RUNX1T1: variants seen among roughly 807,000 people sequenced by gnomAD.
RUNX1T1 encodes the protein protein CBFA2T1.
RUNX1T1 carries 4 observed loss-of-function variants against 62.8 expected under a neutral mutation model. The observed-to-expected ratio is 0.06, with a 90% CI of 0.03 to 0.15. RUNX1T1 has a LOEUF of 0.15. RUNX1T1 is among the 10% of genes least tolerant of loss of function. The pLI is 1.00. For missense variants in RUNX1T1, 508 were observed against 754.3 expected (o/e 0.67, Z 3.82); for synonymous variants, 291 against 286.0 (o/e 1.02, Z -0.18).
At chr8:92,091,232 G>T (rs1836954599) in intron 1 of RUNX1T1, among the ~76,000 whole-genome samples, 1 of 152,136 alleles carries the variant, frequency 6.6e-6, no homozygotes, top group African/African-American at 2.4e-5. Context: ...TAGAGGCCTT[G>T]ATCGATATGA....
rs147351066 is a variant in RUNX1T1 at position 91,985,642 on chromosome 8, A to AAT, written c.1198+480_1198+481dup. Among the ~76,000 whole-genome samples, 52 of 151,336 alleles carry AAT rather than the reference A, an allele frequency of 3.4e-4. 1 individual carries two copies. Among genetic ancestry groups the AAT allele is most frequent in the South Asian group, 2.5e-3 (12 of 4,788 alleles). Reference sequence around the variant, plus strand: ...GGTTGAGAAAAAAGTTTAAAATATAAATATATATATATATGATTCAACTAA... The same window carrying AAT: ...GGTTGAGAAAAAAGTTTAAAATATAAATATATATATATATATGATTCAACTAA... On this transcript the variant is annotated intron_variant, in intron 8 of 10. Transcript: ENST00000396218.
intron 7 of RUNX1T1, among the ~76,000 whole-genome samples, 199 bp downstream of exon 8, chr8:91,986,688 A>G (rs960097751): frequency 3.3e-5 from 5 of 152,054 alleles, no homozygotes; most frequent in Non-Finnish European, 7.4e-5. Flanking sequence ...AGATCTAAAC[A>G]TTTCTCTCAA....
chr8:91,965,455 A>G (rs560806691), intron 10 of RUNX1T1, among the ~76,000 whole-genome samples: 315 of 152,268 alleles, frequency 2.1e-3, no homozygotes, highest in Admixed American at 4.1e-3. Flanking sequence ...AAGAAAAGGA[A>G]TATCTTTTCC....
At chr8:92,101,368 G>C (rs1199002286), upstream of RUNX1T1, among the ~76,000 whole-genome samples, 1 of 152,138 alleles carries the variant, frequency 6.6e-6, no homozygotes, top group Non-Finnish European at 1.5e-5. Flanking sequence ...AGCACATGAA[G>C]TTTGTCTGGA....
chr8:92,080,317 T>C (rs1835049697), intron 1 of RUNX1T1, among the ~76,000 whole-genome samples: 1 of 152,254 alleles, frequency 6.6e-6, no homozygotes, highest in African/African-American at 2.4e-5. Context: ...TTCTTTATAC[T>C]ATAGTACTTT....
intron 7 of RUNX1T1, 77 bp from the exon 9 acceptor site, chr8:91,986,402 C>G: frequency 8.7e-7 from 1 of 1,153,978 alleles, no homozygotes; most frequent in Non-Finnish European, 1.3e-6. Flanking sequence ...GTGAAACAAA[C>G]CATTTCAGGA....
upstream of RUNX1T1, among the ~76,000 whole-genome samples, chr8:92,065,421 G>A (rs1287784926): frequency 6.6e-6 from 1 of 152,142 alleles, no homozygotes; most frequent in African/African-American, 2.4e-5. Flanking sequence ...ACTTCCTCAG[G>A]AGAACCTCAT....
chr8:91,974,335 T>C (rs1813466296), intron 9 of RUNX1T1, among the ~76,000 whole-genome samples: 1 of 152,146 alleles, frequency 6.6e-6, no homozygotes, highest in African/African-American at 2.4e-5. Flanking sequence ...GAAAAATCTA[T>C]TCTCACTTAA....
chr8:92,041,042 A>C (rs1469970528), intron 1 of RUNX1T1, among the ~76,000 whole-genome samples: 1 of 152,170 alleles, frequency 6.6e-6, no homozygotes, highest in Non-Finnish European at 1.5e-5. Context: ...GTTAATACTC[A>C]CCGAGCATTT....
chr8:92,034,105 T>C (rs948952160), intron 1 of RUNX1T1, among the ~76,000 whole-genome samples: 29 of 152,176 alleles, frequency 1.9e-4, no homozygotes, highest in African/African-American at 5.8e-4. Flanking sequence ...TCTATAGCGG[T>C]TGGAGCACAA....
intron 1 of RUNX1T1, among the ~76,000 whole-genome samples, chr8:92,047,129 C>T (rs543201842): frequency 3.3e-5 from 5 of 152,222 alleles, no homozygotes; most frequent in Admixed American, 2.6e-4. Flanking sequence ...CTGCCCCTCA[C>T]GCTCCCTGCT....
At chr8:92,029,667 G>A (rs956781019) in intron 1 of RUNX1T1, among the ~76,000 whole-genome samples, 1 of 152,062 alleles carries the variant, frequency 6.6e-6, no homozygotes, top group African/African-American at 2.4e-5. Context: ...TCCTCCATGT[G>A]CCTCTCCATT....
At chr8:92,008,851 A>G (rs1821388648) in intron 4 of RUNX1T1, among the ~76,000 whole-genome samples, 1 of 152,232 alleles carries the variant, frequency 6.6e-6, no homozygotes, top group African/African-American at 2.4e-5. Flanking sequence ...AAAAGAGACT[A>G]TAGAAATTGG....
In RUNX1T1 at chr8:92,003,589, C is replaced by T. The variant is rs2920473; in HGVS notation, c.659+1527G>A. 9.9e-3 allele frequency among the ~76,000 whole-genome samples: 1,514 copies of T among 152,298 alleles called. 12 individuals are homozygous for T. The highest frequency in any genetic ancestry group is 0.017 in the Non-Finnish European group (1,161 of 68,020). Reference sequence around the variant, plus strand: ...AAATTTCCTTCTTCCAATTTTCCATCGAGTCTCTCCTTCATTCTTTTACCA... The same window carrying T: ...AAATTTCCTTCTTCCAATTTTCCATTGAGTCTCTCCTTCATTCTTTTACCA... On this transcript the variant is annotated intron_variant, in intron 5 of 10. Transcript: ENST00000396218.
intron 5 of RUNX1T1, among the ~76,000 whole-genome samples, chr8:91,996,730 T>C (rs1452669197): frequency 6.6e-6 from 1 of 151,986 alleles, no homozygotes; most frequent in African/African-American, 2.4e-5. Context: ...AGAGACAACC[T>C]AATTTATACT....
At chr8:92,000,792 C>A (rs556239967) in intron 5 of RUNX1T1, among the ~76,000 whole-genome samples, 17 of 152,170 alleles carry the variant, frequency 1.1e-4, no homozygotes, top group Middle Eastern at 3.4e-3. Context: ...ATATATAAAA[C>A]CTCAGAATGT....
At chr8:91,985,797 C>T (rs1343537914) in intron 8 of RUNX1T1, among the ~76,000 whole-genome samples, 1 of 152,144 alleles carries the variant, frequency 6.6e-6, no homozygotes, top group Non-Finnish European at 1.5e-5. Flanking sequence ...GCCCCAGGCC[C>T]ACTCCCTGAG....
intron 1 of RUNX1T1, 182 bp from the exon 3 acceptor site, chr8:92,017,545 T>TAG: frequency 6.7e-7 from 1 of 1,483,752 alleles, no homozygotes; most frequent in Non-Finnish European, 8.9e-7. Context: ...TAAGAAGGTA[T>TAG]AGCACAGATG....
At position 91,991,612 on chromosome 8, in the gene RUNX1T1, A is replaced by G. The variant is rs199552412; in HGVS notation, c.910+27T>C. The G allele has an allele frequency of 1.1e-3, 1,768 of 1,597,730 alleles. 8 individuals are homozygous for G. Among genetic ancestry groups the G allele is most frequent in the Middle Eastern group, 3.9e-3 (23 of 5,924 alleles). On this transcript the variant is annotated intron_variant, in intron 6 of 10. Transcript: ENST00000396218. ...AAGTCTTCAAGCACCCAATCCCGTAAGAAGTGAACAGGTCCTTCAGTCTTA... is the reference window on the plus strand; with the variant it reads ...AAGTCTTCAAGCACCCAATCCCGTAGGAAGTGAACAGGTCCTTCAGTCTTA...
Sources: allele counts gnomAD v4.1 joint callset (sites outside exome capture counted in the v4.1 genomes callset), GRCh38; gene constraint gnomAD v4.1.1; transcripts MANE v1.5; gene names NCBI Gene and HGNC (gene_info 2026-07-23, HGNC 2026-07-21).